Variants in ACSBG1 observed in about 807,000 individuals in gnomAD.
ACSBG1 encodes the protein long-chain-fatty-acid--CoA ligase ACSBG1.
A neutral mutation model predicts 80.2 loss-of-function variants in ACSBG1; 39 were observed. The ratio of observed to expected loss-of-function variants is 0.49; its 90% CI spans 0.38 to 0.64. The LOEUF (loss-of-function observed/expected upper bound fraction) is 0.64. ACSBG1 is among the 30% of genes least tolerant of loss of function. The pLI is 0.00. For synonymous variants in ACSBG1, 392 were observed against 379.5 expected (o/e 1.03, Z -0.38); for missense variants, 828 against 966.4 (o/e 0.86, Z 1.90).
At chr15:78,205,162 A>T (rs1450694731) in intron 2 of ACSBG1, among the ~76,000 whole-genome samples, 4 of 151,884 alleles carry the variant, frequency 2.6e-5, no homozygotes, top group Non-Finnish European at 5.9e-5. Context: ...GAAAGTAAAA[A>T]GTAATGTGTC....
intron 7 of ACSBG1, 151 bp from the exon 8 acceptor site, chr15:78,182,296 C>A (rs943000343): frequency 2.7e-5 from 35 of 1,318,722 alleles, no homozygotes; most frequent in Non-Finnish European, 3.3e-5. Flanking sequence ...CTCCCCTCCC[C>A]CTTGCTGAGC....
chr15:78,195,350 G>T (rs1272827662), intron 2 of ACSBG1, among the ~76,000 whole-genome samples: 3 of 152,184 alleles, frequency 2.0e-5, no homozygotes, highest in Non-Finnish European at 2.9e-5. Flanking sequence ...GCTCAGAGAG[G>T]TTCAGTCATT....
At chr15:78,229,276 CAAAAACAAAG>C (rs1193551233) in intron 1 of ACSBG1, among the ~76,000 whole-genome samples, 1 of 151,966 alleles carries the variant, frequency 6.6e-6, no homozygotes, top group Non-Finnish European at 1.5e-5. Flanking sequence ...GCATTCTTAA[CAAAAACAAAG>C]AAAAACAGTA....
intron 2 of ACSBG1, among the ~76,000 whole-genome samples, chr15:78,196,219 G>A (rs1368146983): frequency 6.6e-6 from 1 of 152,200 alleles, no homozygotes; most frequent in Non-Finnish European, 1.5e-5. Flanking sequence ...GTGAGTCAAG[G>A]GCCACTAGGC....
chr15:78,228,228 G>A (rs1265268745), intron 1 of ACSBG1, among the ~76,000 whole-genome samples: 1 of 152,176 alleles, frequency 6.6e-6, no homozygotes, highest in Non-Finnish European at 1.5e-5. Flanking sequence ...CTGGGTAGGA[G>A]GCCAGAGCTG....
In ACSBG1 at chr15:78,182,924, C is replaced by T. The variant is rs2074964155; in HGVS notation, c.664-139G>A. The T allele has an allele frequency of 1.6e-5, 13 of 827,118 alleles. No homozygotes were observed. In the East Asian group the frequency reaches 2.4e-4, roughly 15 times the overall value. The allele number at this position is 827,118 out of a possible 1,614,324, so 51.2% of individuals were successfully genotyped here. On this transcript the variant is annotated intron_variant, in intron 5 of 13. Coordinates refer to ENST00000258873, the MANE Select transcript of ACSBG1 (RefSeq NM_015162.5). ...CTGACCTTCGACCCCAGCAGGACAA[C>T]TGCCACCCTTCACCCATAGTTTCCC...
At chr15:78,182,941 T>C (rs1340418804) in intron 5 of ACSBG1, 156 bp from the exon 6 acceptor site, 4 of 735,010 alleles carry the variant, frequency 5.4e-6, no homozygotes, top group South Asian at 1.7e-5. Context: ...CCTTCACCCA[T>C]AGTTTCCCTC....
chr15:78,211,541 C>T (rs748819111), intron 1 of ACSBG1, among the ~76,000 whole-genome samples: 1 of 152,250 alleles, frequency 6.6e-6, no homozygotes, highest in Non-Finnish European at 1.5e-5. Context: ...CATAAGCACA[C>T]TTTAAGCTCA....
chr15:78,186,781 A>G (rs922138066), intron 5 of ACSBG1, among the ~76,000 whole-genome samples: 1 of 152,198 alleles, frequency 6.6e-6, no homozygotes, highest in Admixed American at 6.5e-5. Context: ...AGCAAGAGCA[A>G]ACACATTCAA....
rs1338475575 is a variant in ACSBG1 at position 78,178,435 on chromosome 15, A to C, written c.1702+179T>G. The stretch of plus-strand genomic sequence containing the variant: ...TGCCTCAGCCTCCCGAATAGCTGGG[A>C]TTACAGGTGCATGCCACCACGCCCA... On this transcript the variant is annotated intron_variant, in intron 11 of 13. Coordinates refer to ENST00000258873, the MANE Select transcript of ACSBG1 (RefSeq NM_015162.5). The surrounding 1 kb of genome is among the most constrained non-coding windows in gnomAD (Gnocchi z 4.3). Among the ~76,000 whole-genome samples, 1 of 152,146 alleles carries C rather than the reference A, an allele frequency of 6.6e-6. No individual in the cohort carries two copies. The highest frequency in any genetic ancestry group is 2.4e-5 in the African/African-American group (1 of 41,424).
At chr15:78,173,517 A>C in intron 13 of ACSBG1, 76 bp downstream of exon 13, 3 of 1,554,510 alleles carry the variant, frequency 1.9e-6, no homozygotes, top group Non-Finnish European at 2.6e-6. Flanking sequence ...CTGCTTCCTA[A>C]CAGGCACCTC....
At chr15:78,204,004 C>G (rs1301069163) in intron 2 of ACSBG1, among the ~76,000 whole-genome samples, 3 of 152,182 alleles carry the variant, frequency 2.0e-5, no homozygotes, top group Non-Finnish European at 4.4e-5. Flanking sequence ...ACATTGGCCC[C>G]AGGACATGAA....
intron 5 of ACSBG1, among the ~76,000 whole-genome samples, chr15:78,192,676 G>T (rs1264870578): frequency 6.6e-6 from 1 of 152,210 alleles, no homozygotes; most frequent in African/African-American, 2.4e-5. Flanking sequence ...TTCTCCACTA[G>T]AAATGAGGAT....
intron 13 of ACSBG1, among the ~76,000 whole-genome samples, chr15:78,173,212 GC>G (rs1469537487): frequency 6.6e-6 from 1 of 151,950 alleles, no homozygotes; most frequent in African/African-American, 2.4e-5. Context: ...GGGCATGGTG[GC>G]CCATGCCTGT....
intron 1 of ACSBG1, among the ~76,000 whole-genome samples, chr15:78,221,176 A>T (rs1351344275): frequency 2.0e-5 from 3 of 152,204 alleles, no homozygotes; most frequent in African/African-American, 7.2e-5. Flanking sequence ...GGGGACCGGT[A>T]CACTCAGCAT....
chr15:78,205,985 C>A (rs1371224084), intron 2 of ACSBG1, among the ~76,000 whole-genome samples: 2 of 152,216 alleles, frequency 1.3e-5, no homozygotes. Context: ...CCATGAGAAT[C>A]TGGAACTCAC....
chr15:78,181,035 C>T (rs1297585792), intron 8 of ACSBG1, 99 bp from the exon 9 acceptor site: 10 of 1,377,332 alleles, frequency 7.3e-6, no homozygotes, highest in Non-Finnish European at 8.9e-6. Context: ...CACACATGCT[C>T]CAACGGGCAC....
chr15:78,226,902 TAA>T (rs1413713005), intron 1 of ACSBG1, among the ~76,000 whole-genome samples: 1 of 144,190 alleles, frequency 6.9e-6, no homozygotes. Flanking sequence ...CTTCATTAAA[TAA>T]AAAAAAAATT....
At chr15:78,201,949 T>C (rs1294466455) in intron 2 of ACSBG1, among the ~76,000 whole-genome samples, 1 of 152,068 alleles carries the variant, frequency 6.6e-6, no homozygotes, top group Non-Finnish European at 1.5e-5. Flanking sequence ...GTGCTCCCTG[T>C]AGGTGGTGAC....
Sources: allele counts gnomAD v4.1 joint callset (sites outside exome capture counted in the v4.1 genomes callset), GRCh38; gene constraint gnomAD v4.1.1; non-coding constraint Gnocchi (gnomAD v3.1); transcripts MANE v1.5; gene names NCBI Gene and HGNC (gene_info 2026-07-23, HGNC 2026-07-21).